Variants in CELF2 observed in about 807,000 individuals in gnomAD.
CELF2 encodes CUG triplet repeat RNA-binding protein 2.
A neutral mutation model predicts 62.6 loss-of-function variants in CELF2; 8 were observed. That is an observed-to-expected ratio of 0.13 (90% CI 0.07 to 0.23). The LOEUF (loss-of-function observed/expected upper bound fraction) is 0.23, where lower values mean the gene tolerates loss of function less well. Among genes scored for constraint, CELF2 ranks in the 10% least tolerant of loss-of-function variants. The pLI, the probability that CELF2 is intolerant of heterozygous loss-of-function variation, is 1.00. For synonymous variants in CELF2, 258 were observed against 250.0 expected (o/e 1.03, Z -0.30); for missense variants, 333 against 671.0 (o/e 0.50, Z 5.56).
At chr10:10,753,315 G>GTA in the CELF2 span, among the ~76,000 whole-genome samples, 2 of 151,888 alleles carry the variant, frequency 1.3e-5, no homozygotes, top group Non-Finnish European at 2.9e-5. Flanking sequence ...GTGTGTGTGT[G>GTA]TGTGTGTGTG....
At chr10:10,794,078 C>A (rs1267165957), upstream of CELF2, among the ~76,000 whole-genome samples, 2 of 152,030 alleles carry the variant, frequency 1.3e-5, no homozygotes, top group Non-Finnish European at 2.9e-5. Flanking sequence ...ACGGGGTGTG[C>A]TGTATTTTAT....
At chr10:10,653,619 T>C in the CELF2 span, among the ~76,000 whole-genome samples, 2 of 135,236 alleles carry the variant, frequency 1.5e-5, no homozygotes, top group East Asian at 4.0e-4. Flanking sequence ...GAATGACTAC[T>C]GGGTACATAA....
intron 1 of CELF2, among the ~76,000 whole-genome samples, chr10:11,116,460 A>G (rs530843906): frequency 6.6e-6 from 1 of 152,232 alleles, no homozygotes; most frequent in Admixed American, 6.5e-5. Context: ...AGAAGTGAGC[A>G]TGTGTTCACT....
chr10:10,619,646 C>T, the CELF2 span, among the ~76,000 whole-genome samples: 2 of 152,184 alleles, frequency 1.3e-5, no homozygotes, highest in Admixed American at 1.3e-4. Flanking sequence ...CATTTATGAC[C>T]ACTGAGTTAC....
the CELF2 span, among the ~76,000 whole-genome samples, chr10:10,491,730 T>C: frequency 1.3e-5 from 2 of 152,184 alleles, no homozygotes; most frequent in African/African-American, 4.8e-5. Context: ...AATAGTCAAT[T>C]CAGTTAAGCC....
At chr10:10,683,216 C>G in the CELF2 span, among the ~76,000 whole-genome samples, 2 of 152,156 alleles carry the variant, frequency 1.3e-5, no homozygotes, top group African/African-American at 2.4e-5. Flanking sequence ...CAGCTATTTT[C>G]GAAACATTCT....
Position 11,242,298 on chromosome 10 carries a change from G to T in CELF2, c.355-6855G>T, listed in dbSNP as rs2074176391. 2.0e-5 allele frequency among the ~76,000 whole-genome samples: 3 copies of T among 152,156 alleles called. No homozygotes were observed. In the South Asian group the frequency reaches 6.2e-4, roughly 32 times the overall value. On this transcript the variant is annotated intron_variant, in intron 3 of 12. Coordinates refer to ENST00000633077, the MANE Select transcript of CELF2 (RefSeq NM_001326342.2). This position sits in a 1 kb window ranked among gnomAD's most constrained non-coding sequence, Gnocchi z 4.8. ...AACTCATCAATTGGTGATGGCTGGGGTTCAACAAGTTCCAACATGAGTTCT... is the reference window on the plus strand; with the variant it reads ...AACTCATCAATTGGTGATGGCTGGGTTTCAACAAGTTCCAACATGAGTTCT...
intron 1 of CELF2, among the ~76,000 whole-genome samples, chr10:10,892,005 T>C (rs1007858118): frequency 2.6e-5 from 4 of 152,208 alleles, no homozygotes; most frequent in African/African-American, 9.6e-5. Flanking sequence ...TTTGCCTTAA[T>C]GATTTTCTAT....
the CELF2 span, among the ~76,000 whole-genome samples, chr10:10,622,831 T>C: frequency 2.0e-5 from 3 of 151,692 alleles, no homozygotes; most frequent in Non-Finnish European, 4.4e-5. Flanking sequence ...CGGTGGCTTA[T>C]GCCTGTAATC....
the CELF2 span, among the ~76,000 whole-genome samples, chr10:10,651,981 T>G: frequency 1.6e-4 from 24 of 151,104 alleles, no homozygotes; most frequent in African/African-American, 5.4e-4. Context: ...TGAAAAAAAT[T>G]TAGGAGAATG....
chr10:10,799,750 G>A (rs1204894865), intron 1 of CELF2, among the ~76,000 whole-genome samples: 1 of 152,146 alleles, frequency 6.6e-6, no homozygotes, highest in African/African-American at 2.4e-5. Flanking sequence ...AGCTAGAAAG[G>A]GCAGAGTTCA....
upstream of CELF2, among the ~76,000 whole-genome samples, chr10:10,797,121 T>A (rs940196022): frequency 6.6e-6 from 1 of 152,172 alleles, no homozygotes; most frequent in Admixed American, 6.5e-5. Context: ...AAAAACTTCC[T>A]GACAGTAAAA....
rs540290500 is a variant in CELF2 at position 11,207,346 on chromosome 10, A to G, written c.272-10079A>G. On this transcript the variant is annotated intron_variant, in intron 2 of 12. Transcript: ENST00000633077. The surrounding 1 kb of genome is among the most constrained non-coding windows in gnomAD (Gnocchi z 4.1). The stretch of plus-strand genomic sequence containing the variant: ...TAACAGAAGATGGTTCCTCCAGGGA[A>G]AGTCCCCAGGGCAACAGGAGGCTGC... Among the ~76,000 whole-genome samples, 138 of 152,300 alleles carry G rather than the reference A, an allele frequency of 9.1e-4. No individual in the cohort carries two copies. Among genetic ancestry groups the G allele is most frequent in the Non-Finnish European group, 1.2e-3 (81 of 68,026 alleles).
In CELF2 at chr10:11,145,071, C is replaced by T. The variant is rs1241892953; in HGVS notation, c.75-20415C>T. Among the ~76,000 whole-genome samples, 1 of 152,150 alleles carries T rather than the reference C, an allele frequency of 6.6e-6. No homozygotes were observed. Among genetic ancestry groups the T allele is most frequent in the Non-Finnish European group, 1.5e-5 (1 of 68,022 alleles). On this transcript the variant is annotated intron_variant, in intron 1 of 12. Coordinates refer to ENST00000633077, the MANE Select transcript of CELF2 (RefSeq NM_001326342.2). The surrounding 1 kb of genome is among the most constrained non-coding windows in gnomAD (Gnocchi z 4.3). ...TCCATCCACTTAGCATAACTGTGTT[C>T]CTCCCTGTAATGCAGTAGCCAAAGG...
chr10:10,821,221 A>G (rs2056934664), intron 1 of CELF2, among the ~76,000 whole-genome samples: 1 of 152,196 alleles, frequency 6.6e-6, no homozygotes, highest in Admixed American at 6.5e-5. Context: ...AATATGCCAA[A>G]GAGAGAGCTT....
chr10:10,632,981 C>T, the CELF2 span, among the ~76,000 whole-genome samples: 66 of 152,244 alleles, frequency 4.3e-4, no homozygotes, highest in African/African-American at 1.1e-3. Context: ...TACAGAGATG[C>T]CTCATTTTTT....
intron 8 of CELF2, among the ~76,000 whole-genome samples, chr10:11,278,288 A>G (rs1017677091): frequency 1.3e-5 from 2 of 152,252 alleles, no homozygotes; most frequent in Non-Finnish European, 2.9e-5. Context: ...TGAAATATGG[A>G]ATTTAGAAGC....
At chr10:11,162,010 T>C (rs765253944) in intron 1 of CELF2, among the ~76,000 whole-genome samples, 32 of 152,136 alleles carry the variant, frequency 2.1e-4, no homozygotes, top group Non-Finnish European at 3.7e-4. Context: ...GGGAGAGAGT[T>C]GGGAGTCCAG....
At chr10:10,991,367 G>T (rs140311812) in intron 2 of CELF2, among the ~76,000 whole-genome samples, 8 of 152,266 alleles carry the variant, frequency 5.3e-5, no homozygotes, top group African/African-American at 1.9e-4. Context: ...TGAGGCACAC[G>T]CTAAGGGGAT....
Sources: allele counts gnomAD v4.1 joint callset (sites outside exome capture counted in the v4.1 genomes callset), GRCh38; gene constraint gnomAD v4.1.1; non-coding constraint Gnocchi (gnomAD v3.1); transcripts MANE v1.5; gene names NCBI Gene and HGNC (gene_info 2026-07-23, HGNC 2026-07-21).